COBL: variants seen among roughly 807,000 people sequenced by gnomAD.
COBL encodes the protein protein cordon-bleu.
Under a neutral mutation model 98.8 loss-of-function variants are expected in COBL, and 51 were observed. The observed-to-expected ratio is 0.52, with a 90% CI of 0.41 to 0.65. The LOEUF is 0.65. Among genes scored for constraint, COBL ranks in the 30% least tolerant of loss-of-function variants. COBL has a pLI of 0.00. For synonymous variants in COBL, 634 were observed against 651.7 expected (o/e 0.97, Z 0.41); for missense variants, 1,617 against 1,617.5 (o/e 1.00, Z 0.01).
chr7:51,039,303 G>C (rs139113082), intron 8 of COBL, among the ~76,000 whole-genome samples: 64 of 152,328 alleles, frequency 4.2e-4, no homozygotes, highest in Non-Finnish European at 8.8e-4. Context: ...CCAAGGTTAG[G>C]GCCACATCCC....
intron 12 of COBL, among the ~76,000 whole-genome samples, chr7:51,023,984 A>G (rs1235850197): frequency 1.3e-5 from 2 of 152,184 alleles, no homozygotes; most frequent in Non-Finnish European, 2.9e-5. Context: ...AAGTGAAAAC[A>G]TAAGCTTAGG....
At chr7:51,178,102 T>C (rs1050332803) in intron 5 of COBL, among the ~76,000 whole-genome samples, 1 of 152,122 alleles carries the variant, frequency 6.6e-6, no homozygotes, top group Non-Finnish European at 1.5e-5. Flanking sequence ...GCCAAGATCA[T>C]GCCATTGCAT....
chr7:51,240,852 T>G (rs1390272038), intron 1 of COBL, among the ~76,000 whole-genome samples: 1 of 152,158 alleles, frequency 6.6e-6, no homozygotes, highest in Non-Finnish European at 1.5e-5. Context: ...CTACTATTAT[T>G]TTAAATTAGG....
At chr7:51,297,628 G>A (rs1801541126) in intron 1 of COBL, among the ~76,000 whole-genome samples, 1 of 151,908 alleles carries the variant, frequency 6.6e-6, no homozygotes, top group Non-Finnish European at 1.5e-5. Context: ...CCTGACCTCA[G>A]GTGATCTGCC....
intron 1 of COBL, among the ~76,000 whole-genome samples, chr7:51,235,479 G>C (rs527896592): frequency 2.2e-4 from 34 of 152,224 alleles, no homozygotes; most frequent in African/African-American, 7.9e-4. Flanking sequence ...TGAACAACCA[G>C]ATACAAAACT....
chr7:51,274,943 G>A (rs1438902276), intron 1 of COBL, among the ~76,000 whole-genome samples: 2 of 152,156 alleles, frequency 1.3e-5, no homozygotes, highest in African/African-American at 2.4e-5. Flanking sequence ...GCATATGTAC[G>A]CACATGGCTT....
chr7:51,048,532 TTAAC>T (rs1382057143), intron 7 of COBL, among the ~76,000 whole-genome samples: 1 of 152,140 alleles, frequency 6.6e-6, no homozygotes, highest in Non-Finnish European at 1.5e-5. Context: ...AGTTCTTCCT[TTAAC>T]AGGCAGAATT....
At chr7:51,226,498 G>A (rs1172299788) in intron 1 of COBL, among the ~76,000 whole-genome samples, 8 of 146,746 alleles carry the variant, frequency 5.5e-5, no homozygotes, top group Non-Finnish European at 4.4e-5. Context: ...CTGGGCCCAG[G>A]GAAGGAATTC....
At chr7:51,301,392 G>C (rs1801953978) in intron 1 of COBL, among the ~76,000 whole-genome samples, 1 of 152,264 alleles carries the variant, frequency 6.6e-6, no homozygotes, top group East Asian at 1.9e-4. Context: ...ACGGGGAACT[G>C]CCTGGGCCCC....
chr7:51,182,195 G>T (rs1333913244), intron 5 of COBL, among the ~76,000 whole-genome samples: 1 of 151,662 alleles, frequency 6.6e-6, no homozygotes, highest in Non-Finnish European at 1.5e-5. Context: ...CACAGTCCCA[G>T]CCAACTTATC....
At chr7:51,290,018 G>A (rs1429208458) in intron 1 of COBL, among the ~76,000 whole-genome samples, 1 of 152,192 alleles carries the variant, frequency 6.6e-6, no homozygotes, top group Admixed American at 6.5e-5. Context: ...ATGAGATACA[G>A]AGAAAAATGG....
chr7:51,043,425 C>T lies in COBL; in HGVS notation c.1364G>A (p.Ser455Asn), dbSNP rs1189632509. The T allele has an allele frequency of 6.2e-7, 1 of 1,614,244 alleles. No homozygotes were observed. Among genetic ancestry groups the T allele is most frequent in the South Asian group, 1.1e-5 (1 of 91,090 alleles). Residue 455 changes from serine to asparagine, a missense_variant, in exon 8 of 13, where the codon AGC (serine) becomes AAC (asparagine). Transcript: ENST00000265136. ...AGAGCCATTCTTCTCCCACAAGGGG[C>T]TCTTCTGGGGACCCAGGTCTGGGGT... ...AGTPDLGPQK[S>N]PLWEKNGSEN...
In COBL at chr7:51,266,428, A is replaced by T. The variant is rs182728845; in HGVS notation, c.42-46484T>A. Among the ~76,000 whole-genome samples, 37 of 152,270 alleles carry T rather than the reference A, an allele frequency of 2.4e-4. 1 individual carries two copies. The highest frequency in any genetic ancestry group is 7.9e-4 in the African/African-American group (33 of 41,540). On this transcript the variant is annotated intron_variant, in intron 1 of 12. Coordinates refer to ENST00000265136, the MANE Select transcript of COBL (RefSeq NM_015198.5). The stretch of plus-strand genomic sequence containing the variant: ...ACCCCATCTCTACTAAAAATACAAA[A>T]TTAGCTGGGCATGGTGGCGCATTCC...
chr7:51,306,283 G>C (rs540570321), intron 1 of COBL, among the ~76,000 whole-genome samples: 1 of 152,078 alleles, frequency 6.6e-6, no homozygotes, highest in Non-Finnish European at 1.5e-5. Flanking sequence ...GCACACCCAG[G>C]CCAACAGGGC....
At chr7:51,292,725 A>C (rs571530815) in intron 1 of COBL, among the ~76,000 whole-genome samples, 11 of 152,130 alleles carry the variant, frequency 7.2e-5, no homozygotes, top group Non-Finnish European at 1.3e-4. Flanking sequence ...CTCCCTCCAC[A>C]CTCCAGAGCC....
intron 6 of COBL, among the ~76,000 whole-genome samples, chr7:51,097,026 AAAG>A (rs1390471634): frequency 6.6e-6 from 1 of 152,188 alleles, no homozygotes; most frequent in Non-Finnish European, 1.5e-5. Context: ...AAAATAAGAC[AAAG>A]ATAGTATAAG....
intron 1 of COBL, among the ~76,000 whole-genome samples, chr7:51,308,165 A>T (rs1802665899): frequency 6.6e-6 from 1 of 152,198 alleles, no homozygotes; most frequent in African/African-American, 2.4e-5. Flanking sequence ...TTGTGCATTG[A>T]ACACTAGTGG....
intron 5 of COBL, among the ~76,000 whole-genome samples, chr7:51,139,284 T>G (rs1562956349): frequency 6.6e-6 from 1 of 152,236 alleles, no homozygotes; most frequent in Admixed American, 6.5e-5. Flanking sequence ...GGTTTCCTTC[T>G]TCTCTGATAC....
At chr7:51,311,866 TA>T (rs1216693439) in intron 1 of COBL, among the ~76,000 whole-genome samples, 1 of 151,878 alleles carries the variant, frequency 6.6e-6, no homozygotes, top group Non-Finnish European at 1.5e-5. Flanking sequence ...TGAAGATATG[TA>T]AAAGCTTTCA....
Sources: gnomAD v4.1 joint callset for allele counts (sites outside exome capture counted in the v4.1 genomes callset) on GRCh38, gnomAD v4.1.1 for gene constraint, MANE v1.5 for transcripts, NCBI Gene and HGNC (gene_info 2026-07-23, HGNC 2026-07-21) for gene names.